The following METAP1D variants were observed in gnomAD, a reference collection of about 807,000 sequenced individuals.
The protein encoded by METAP1D is methionine aminopeptidase 1D, mitochondrial.
Under a neutral mutation model 40.5 loss-of-function variants are expected in METAP1D, and 31 were observed. The ratio of observed to expected loss-of-function variants is 0.77; its 90% CI spans 0.58 to 1.03. The LOEUF is 1.03. Among genes scored for constraint, METAP1D ranks in the 50% least tolerant of loss-of-function variants. METAP1D has a pLI of 0.00. For missense variants in METAP1D, 411 were observed against 420.7 expected, an observed-to-expected ratio of 0.98 and a Z score of 0.20; for synonymous variants, 151 against 146.4, an observed-to-expected ratio of 1.03 and a Z score of -0.22.
At chr2:172,005,014 C>A (rs553844210) in intron 1 of METAP1D, among the ~76,000 whole-genome samples, 1 of 151,852 alleles carries the variant, frequency 6.6e-6, no homozygotes, top group Non-Finnish European at 1.5e-5. Context: ...CCTCAACTTC[C>A]TGGGCTCGAC....
intron 1 of METAP1D, among the ~76,000 whole-genome samples, chr2:172,040,532 C>G (rs1332431210): frequency 5.9e-5 from 9 of 152,028 alleles, no homozygotes; most frequent in African/African-American, 2.2e-4. Context: ...ACACTCTCTT[C>G]GAAAATTTTA....
At chr2:172,061,759 T>A in intron 2 of METAP1D, 104 bp downstream of exon 2, 1 of 1,071,648 alleles carries the variant, frequency 9.3e-7, no homozygotes, top group Admixed American at 2.9e-5. Context: ...CCATTTGGGT[T>A]TTAATTTTCA....
At chr2:172,017,363 G>A (rs1574094008) in intron 1 of METAP1D, among the ~76,000 whole-genome samples, 1 of 146,588 alleles carries the variant, frequency 6.8e-6, no homozygotes, top group Admixed American at 6.8e-5. Context: ...AGGTATATAT[G>A]TATATATATG....
intron 1 of METAP1D, among the ~76,000 whole-genome samples, chr2:172,027,252 C>T (rs888707828): frequency 3.9e-5 from 6 of 152,090 alleles, no homozygotes; most frequent in Non-Finnish European, 5.9e-5. Flanking sequence ...AATCACATAC[C>T]CACAGTTACA....
chr2:172,069,116 T>C (rs1690362527), intron 5 of METAP1D, among the ~76,000 whole-genome samples: 2 of 151,988 alleles, frequency 1.3e-5, no homozygotes. Flanking sequence ...GGGGTTTCAC[T>C]ATGTTTCCCA....
intron 1 of METAP1D, among the ~76,000 whole-genome samples, chr2:172,046,408 G>A (rs1181380332): frequency 1.3e-5 from 2 of 152,082 alleles, no homozygotes; most frequent in Non-Finnish European, 2.9e-5. Flanking sequence ...AGTGTGGGAG[G>A]CAGTGAACTA....
chr2:172,064,878 T>C (rs974778076), intron 3 of METAP1D, among the ~76,000 whole-genome samples: 1 of 152,146 alleles, frequency 6.6e-6, no homozygotes, highest in Middle Eastern at 3.2e-3. Context: ...TAATAAAAGA[T>C]TTTATTTTTG....
At chr2:172,027,341 C>T (rs139775342) in intron 1 of METAP1D, among the ~76,000 whole-genome samples, 127 of 152,300 alleles carry the variant, frequency 8.3e-4, no homozygotes, top group African/African-American at 2.7e-3. Flanking sequence ...GCTGTTTTTA[C>T]AGTACCTTTT....
chr2:172,079,547 G>A (rs1023811033), intron 8 of METAP1D, among the ~76,000 whole-genome samples: 1 of 152,134 alleles, frequency 6.6e-6, no homozygotes, highest in Non-Finnish European at 1.5e-5. Context: ...TTAACACCCA[G>A]TAACTAGACA....
intron 9 of METAP1D, 57 bp from the exon 10 acceptor site, chr2:172,080,271 C>T: frequency 6.2e-7 from 1 of 1,613,906 alleles, no homozygotes; most frequent in Non-Finnish European, 8.5e-7. Flanking sequence ...CGACGGCGCG[C>T]TTGTGGCCCG....
chr2:172,079,981 T>C (rs1346601798), intron 8 of METAP1D, 147 bp from the exon 9 acceptor site: 1 of 669,250 alleles, frequency 1.5e-6, no homozygotes, highest in Non-Finnish European at 2.6e-6. Context: ...ACATCAATTA[T>C]CAACCCTTGC....
intron 1 of METAP1D, among the ~76,000 whole-genome samples, chr2:172,014,596 A>G (rs367669986): frequency 2.0e-5 from 3 of 152,094 alleles, no homozygotes; most frequent in Non-Finnish European, 4.4e-5. Context: ...GGTTTTGATG[A>G]CTATCTTGCC....
rs533075659 is a variant in METAP1D, at chr2:172,036,586, C to T, written c.41-24912C>T. ...TTCACAGTGTTAGCCAGGATGGTCT[C>T]GATCTCCTGACCTCGTGATCCGCCT... On this transcript the variant is annotated intron_variant, in intron 1 of 9. Transcript: ENST00000315796. Among the ~76,000 whole-genome samples the T allele has an allele frequency of 1.8e-4, 27 of 151,710 alleles. No homozygotes were observed. The South Asian group carries it at 5.6e-3, about 32-fold the overall frequency.
chr2:172,000,851 A>G (rs1291035683), intron 1 of METAP1D, among the ~76,000 whole-genome samples: 1 of 152,140 alleles, frequency 6.6e-6, no homozygotes, highest in Non-Finnish European at 1.5e-5. Flanking sequence ...AATTTTAAAA[A>G]TTAGTCGGGC....
intron 1 of METAP1D, among the ~76,000 whole-genome samples, chr2:172,000,642 G>A (rs190000346): frequency 1.3e-5 from 2 of 152,160 alleles, no homozygotes; most frequent in Admixed American, 1.3e-4. Flanking sequence ...CCAAGGACGG[G>A]GGAAGAGGAA....
chr2:172,038,327 C>T lies in METAP1D; in HGVS notation c.41-23171C>T, dbSNP rs74411903. Among the ~76,000 whole-genome samples, 257 of 152,178 alleles carry T rather than the reference C, an allele frequency of 1.7e-3. 1 individual carries two copies. Among genetic ancestry groups the T allele is most frequent in the African/African-American group, 6.1e-3 (252 of 41,508 alleles). ...GAGAACTTAGCCACATTGTTTATGT[C>T]GGAAAATGCATTCCAAACAGCTAAG... On this transcript the variant is annotated intron_variant, in intron 1 of 9. Transcript: ENST00000315796.
chr2:172,017,001 G>C (rs893427210), intron 1 of METAP1D, among the ~76,000 whole-genome samples: 1 of 152,020 alleles, frequency 6.6e-6, no homozygotes, highest in African/African-American at 2.4e-5. Context: ...CAAAGGAGGG[G>C]CCTCAGATAT....
chr2:172,031,994 G>C (rs980192088), intron 1 of METAP1D, among the ~76,000 whole-genome samples: 2 of 152,180 alleles, frequency 1.3e-5, no homozygotes, highest in African/African-American at 2.4e-5. Context: ...CGGTGCCCTG[G>C]GGCACCAAGC....
At chr2:172,046,302 T>C (rs1278812959) in intron 1 of METAP1D, among the ~76,000 whole-genome samples, 1 of 152,080 alleles carries the variant, frequency 6.6e-6, no homozygotes, top group Non-Finnish European at 1.5e-5. Flanking sequence ...GGATGATTAA[T>C]GTGACTAGGA....
Sources: gnomAD v4.1 joint callset for allele counts (sites outside exome capture counted in the v4.1 genomes callset) on GRCh38, gnomAD v4.1.1 for gene constraint, MANE v1.5 for transcripts, NCBI Gene and HGNC (gene_info 2026-07-23, HGNC 2026-07-21) for gene names.